Variants in SLC44A1 observed in about 807,000 individuals in gnomAD.
SLC44A1 encodes choline transporter-like protein 1.
Under a neutral mutation model 79.3 loss-of-function variants are expected in SLC44A1, and 26 were observed. The ratio of observed to expected loss-of-function variants is 0.33; its 90% CI spans 0.24 to 0.46. The LOEUF is 0.46. Ranked by LOEUF, SLC44A1 falls within the 20% of genes least tolerant of loss-of-function variation. The probability of loss-of-function intolerance (pLI) is 1.00; values close to 1 mark genes in which losing one functional copy is unlikely to be tolerated. For synonymous variants in SLC44A1, 263 were observed against 286.2 expected, an observed-to-expected ratio of 0.92 and a Z score of 0.82; for missense variants, 688 against 798.1, an observed-to-expected ratio of 0.86 and a Z score of 1.66.
intron 4 of SLC44A1, among the ~76,000 whole-genome samples, chr9:105,341,719 A>G (rs1200251313): frequency 6.6e-6 from 1 of 152,196 alleles, no homozygotes; most frequent in African/African-American, 2.4e-5. Flanking sequence ...TTCTATTGCC[A>G]CTTAATAATT....
At chr9:105,269,785 C>T (rs1292005883) in intron 1 of SLC44A1, among the ~76,000 whole-genome samples, 3 of 152,170 alleles carry the variant, frequency 2.0e-5, no homozygotes, top group African/African-American at 7.2e-5. Context: ...CTTCTTTGCA[C>T]AAATCCTCTT....
chr9:105,285,714 A>G (rs1427919041), intron 1 of SLC44A1, among the ~76,000 whole-genome samples: 1 of 152,206 alleles, frequency 6.6e-6, no homozygotes, highest in Non-Finnish European at 1.5e-5. Context: ...AACCTTTTTA[A>G]GGGTGGGGAA....
chr9:105,407,439 A>G (rs1428755643), intron 15 of SLC44A1, among the ~76,000 whole-genome samples: 1 of 152,262 alleles, frequency 6.6e-6, no homozygotes, highest in Non-Finnish European at 1.5e-5. Context: ...GAAGCAGCTC[A>G]CTACATATAA....
rs780109561 is a variant in SLC44A1 at position 105,361,234 on chromosome 9, G to C, written c.804G>C (p.Arg268Ser). Residue 268 changes from arginine (R) to serine (S), a missense_variant, in exon 8 of 16, where the codon AGG (arginine) becomes AGC (serine). Arg to Ser is a moderately radical substitution (Grantham distance 110). Transcript: ENST00000374720. ...GGTGGCTGTATGCAAAGCAAAGAAG[G>C]TCTCCCAAAGAAACTGTTACTCCTG... ...VLWWLYAKQR[R>S]SPKETVTPEQ... is the part of the protein sequence containing the mutation. 3.7e-6 allele frequency: 6 copies of C among 1,613,966 alleles called. No homozygotes were observed. In the African/African-American group the frequency reaches 5.3e-5, roughly 14 times the overall value.
intron 1 of SLC44A1, among the ~76,000 whole-genome samples, chr9:105,280,775 GAA>G (rs559849801): frequency 7.3e-4 from 111 of 152,102 alleles, no homozygotes; most frequent in Non-Finnish European, 1.4e-3. Flanking sequence ...TCCAAGTGAA[GAA>G]AAAAAATCCA....
chr9:105,277,864 T>TG (rs1433687961), intron 1 of SLC44A1, among the ~76,000 whole-genome samples: 4 of 152,222 alleles, frequency 2.6e-5, no homozygotes, highest in Admixed American at 1.3e-4. Flanking sequence ...CAACTCTAAC[T>TG]GGTACTTGTT....
At chr9:105,388,736 A>G (rs920740443) in intron 15 of SLC44A1, among the ~76,000 whole-genome samples, 2 of 152,200 alleles carry the variant, frequency 1.3e-5, no homozygotes, top group Non-Finnish European at 2.9e-5. Flanking sequence ...AGATTTTCTG[A>G]CTGTCTGCTT....
chr9:105,253,432 T>A (rs1564397852), intron 1 of SLC44A1, among the ~76,000 whole-genome samples: 1 of 152,138 alleles, frequency 6.6e-6, no homozygotes. Flanking sequence ...GTTACAGCTA[T>A]AAGAAATAAA....
intron 1 of SLC44A1, among the ~76,000 whole-genome samples, chr9:105,272,903 T>C (rs1046910329): frequency 2.6e-5 from 4 of 152,020 alleles, no homozygotes; most frequent in Admixed American, 2.6e-4. Flanking sequence ...AAAGTAAATA[T>C]TATTTTATGC....
intron 15 of SLC44A1, among the ~76,000 whole-genome samples, chr9:105,406,598 C>T (rs957707011): frequency 5.3e-5 from 8 of 151,994 alleles, no homozygotes; most frequent in South Asian, 4.2e-4. Flanking sequence ...AAAAAGTAGC[C>T]GAACATGGTG....
intron 1 of SLC44A1, among the ~76,000 whole-genome samples, chr9:105,287,054 A>G (rs914832707): frequency 2.6e-5 from 4 of 152,244 alleles, no homozygotes; most frequent in African/African-American, 9.6e-5. Flanking sequence ...AACAGCAGAA[A>G]GGTGAAAGTA....
intron 15 of SLC44A1, among the ~76,000 whole-genome samples, chr9:105,408,433 C>T (rs547353234): frequency 8.4e-5 from 12 of 143,252 alleles, no homozygotes; most frequent in South Asian, 6.2e-4. Flanking sequence ...GTATTTGAGA[C>T]GGAGTCTTGC....
rs1414927834 is a variant in SLC44A1, at chr9:105,396,915, G to T, written c.*7859G>T. 2.0e-6 allele frequency: 2 copies of T among 985,092 alleles called. No individual in the cohort carries two copies. Among genetic ancestry groups the T allele is most frequent in the Non-Finnish European group, 1.2e-6 (1 of 829,738 alleles). 61.0% of individuals were successfully genotyped at this position (985,092 alleles called of 1,614,324 possible). On this transcript the variant is annotated 3_prime_UTR_variant, in exon 16 of 16. Coordinates refer to ENST00000374720, the MANE Select transcript of SLC44A1 (RefSeq NM_080546.5). ...GTGTCACTACACTGTATTCATGTGG[G>T]GGAACAAACATGTAGGTGCTTGAAC...
At chr9:105,345,785 C>T (rs1827229584) in intron 4 of SLC44A1, among the ~76,000 whole-genome samples, 1 of 152,002 alleles carries the variant, frequency 6.6e-6, no homozygotes, top group Non-Finnish European at 1.5e-5. Flanking sequence ...AGTTAGGTTC[C>T]TAAGATCACT....
chr9:105,414,303 C>T (rs1829139182), intron 15 of SLC44A1, among the ~76,000 whole-genome samples: 2 of 152,276 alleles, frequency 1.3e-5, no homozygotes, highest in South Asian at 2.1e-4. Context: ...GATCCGCCCG[C>T]CTCGGCCTCC....
intron 1 of SLC44A1, among the ~76,000 whole-genome samples, chr9:105,251,895 A>T (rs952998206): frequency 2.6e-5 from 4 of 152,186 alleles, no homozygotes; most frequent in African/African-American, 9.7e-5. Flanking sequence ...AGCAGTAAAC[A>T]CGTAATTTTA....
At chr9:105,424,428 G>T (rs956457131) in intron 15 of SLC44A1, among the ~76,000 whole-genome samples, 1 of 152,188 alleles carries the variant, frequency 6.6e-6, no homozygotes, top group Non-Finnish European at 1.5e-5. Flanking sequence ...CCTAGTGTGG[G>T]CTGGGGCGAG....
In SLC44A1 at chr9:105,387,602, A is replaced by G. The variant is rs10991647; in HGVS notation, c.1951-1431A>G. On this transcript the variant is annotated intron_variant, in intron 15 of 15. Transcript: ENST00000374720. ...CTAAGCCCAAAACTTAACAAGACAT[A>G]TGAAATCTTAAAATATAAACCAAGC... Among the ~76,000 whole-genome samples, 4 of 152,330 alleles carry G rather than the reference A, an allele frequency of 2.6e-5. No individual in the cohort carries two copies. In the East Asian group the frequency reaches 7.7e-4, roughly 29 times the overall value.
At chr9:105,369,344 G>C (rs965832866) in intron 12 of SLC44A1, among the ~76,000 whole-genome samples, 2 of 152,190 alleles carry the variant, frequency 1.3e-5, no homozygotes, top group Non-Finnish European at 2.9e-5. Context: ...CCTGTTTCCT[G>C]GTTCAGAGAT....
Sources: gnomAD v4.1 joint callset for allele counts (sites outside exome capture counted in the v4.1 genomes callset) on GRCh38, gnomAD v4.1.1 for gene constraint, MANE v1.5 for transcripts, NCBI Gene and HGNC (gene_info 2026-07-23, HGNC 2026-07-21) for gene names.